Variants in SPOCK1 observed in about 807,000 individuals in gnomAD.
SPOCK1 encodes the protein testican-1.
SPOCK1 carries 23 observed loss-of-function variants against 55.3 expected under a neutral mutation model. The ratio of observed to expected loss-of-function variants is 0.42; its 90% confidence interval spans 0.30 to 0.59. The LOEUF (loss-of-function observed/expected upper bound fraction) is 0.59. Ranked by LOEUF, SPOCK1 falls within the 20% of genes least tolerant of loss-of-function variation. SPOCK1 has a pLI of 0.22. For missense variants in SPOCK1, 499 were observed against 552.5 expected (o/e 0.90, Z 0.97); for synonymous variants, 226 against 221.0 (o/e 1.02, Z -0.20).
chr5:137,091,109 G>GT (rs1437246086), intron 5 of SPOCK1, among the ~76,000 whole-genome samples: 6 of 152,184 alleles, frequency 3.9e-5, no homozygotes, highest in African/African-American at 1.4e-4. Context: ...GCTAAAGAGG[G>GT]TGCAAAGATG....
intron 2 of SPOCK1, among the ~76,000 whole-genome samples, chr5:137,409,349 A>C (rs1299040909): frequency 6.6e-6 from 1 of 152,220 alleles, no homozygotes; most frequent in African/African-American, 2.4e-5. Context: ...GGGGAATCGC[A>C]GATCCATAGG....
Position 137,145,194 on chromosome 5 carries a change from T to C in SPOCK1, c.233-4500A>G, listed in dbSNP as rs977104952. ...AAGGAACAAACCAAGAATGAATTAA[T>C]TTAAAGAGATTTGTTAAGCTGTAAA... On this transcript the variant is annotated intron_variant, in intron 3 of 10. Transcript: ENST00000394945. Among the ~76,000 whole-genome samples the C allele has an allele frequency of 3.3e-5, 5 of 152,226 alleles. No individual in the cohort carries two copies. The East Asian group carries it at 9.6e-4, about 29-fold the overall frequency.
chr5:137,151,309 A>C (rs1347385296), intron 3 of SPOCK1, among the ~76,000 whole-genome samples: 1 of 152,118 alleles, frequency 6.6e-6, no homozygotes, highest in Non-Finnish European at 1.5e-5. Flanking sequence ...TATTTATATT[A>C]AGGTAATCAA....
chr5:137,038,023 G>A (rs1053531488), intron 6 of SPOCK1, among the ~76,000 whole-genome samples: 1 of 152,192 alleles, frequency 6.6e-6, no homozygotes, highest in Admixed American at 6.5e-5. Context: ...CTGCAAGAGG[G>A]GTTGAGATGT....
chr5:137,167,433 A>AC (rs914084432), intron 3 of SPOCK1, among the ~76,000 whole-genome samples: 15 of 151,866 alleles, frequency 9.9e-5, no homozygotes, highest in Non-Finnish European at 4.4e-5. Context: ...ACAAAAAAAA[A>AC]CATAGGACTT....
chr5:137,497,236 A>T (rs1426730865), intron 2 of SPOCK1, among the ~76,000 whole-genome samples: 1 of 152,226 alleles, frequency 6.6e-6, no homozygotes, highest in Non-Finnish European at 1.5e-5. Context: ...CGGGGACATT[A>T]ACAAAGGGGG....
At chr5:137,357,014 G>A (rs1291138757) in intron 2 of SPOCK1, among the ~76,000 whole-genome samples, 1 of 150,656 alleles carries the variant, frequency 6.6e-6, no homozygotes, top group East Asian at 2.0e-4. Flanking sequence ...GAACACAAAG[G>A]GAAGTTGGCC....
intron 3 of SPOCK1, among the ~76,000 whole-genome samples, chr5:137,230,530 TA>T (rs1224404813): frequency 6.6e-6 from 1 of 152,234 alleles, no homozygotes; most frequent in Non-Finnish European, 1.5e-5. Flanking sequence ...AACTTCATTT[TA>T]AAAAATATAT....
intron 2 of SPOCK1, among the ~76,000 whole-genome samples, chr5:137,460,400 G>C (rs966209632): frequency 2.6e-5 from 4 of 152,162 alleles, no homozygotes; most frequent in Non-Finnish European, 4.4e-5. Flanking sequence ...CAAGGTACGG[G>C]ATAAGGACCA....
chr5:137,122,718 C>T (rs2127038933), intron 4 of SPOCK1, among the ~76,000 whole-genome samples: 1 of 152,346 alleles, frequency 6.6e-6, no homozygotes, highest in South Asian at 2.1e-4. Context: ...GCCAGAGCAG[C>T]TGGGAAAGCA....
chr5:137,235,504 C>T (rs1321248424), intron 3 of SPOCK1, among the ~76,000 whole-genome samples: 1 of 152,186 alleles, frequency 6.6e-6, no homozygotes, highest in Non-Finnish European at 1.5e-5. Context: ...GAAAAACATG[C>T]CCAGATAAAG....
intron 3 of SPOCK1, among the ~76,000 whole-genome samples, chr5:137,142,909 A>G (rs961010760): frequency 2.6e-5 from 4 of 152,222 alleles, no homozygotes; most frequent in Admixed American, 2.0e-4. Context: ...CTCTCCAAGA[A>G]TCATTCAAAA....
intron 3 of SPOCK1, among the ~76,000 whole-genome samples, chr5:137,233,322 G>C (rs537046466): frequency 2.0e-5 from 3 of 152,192 alleles, no homozygotes; most frequent in African/African-American, 7.2e-5. Context: ...GGGATGATGA[G>C]AGACAGTGAC....
At chr5:137,450,416 G>T (rs1288854845) in intron 2 of SPOCK1, among the ~76,000 whole-genome samples, 2 of 152,108 alleles carry the variant, frequency 1.3e-5, no homozygotes, top group African/African-American at 4.8e-5. Context: ...GTTTTCACTT[G>T]AGCATTCCAA....
intron 3 of SPOCK1, among the ~76,000 whole-genome samples, chr5:137,166,259 C>A (rs1390164202): frequency 1.3e-5 from 2 of 152,052 alleles, no homozygotes; most frequent in Non-Finnish European, 2.9e-5. Flanking sequence ...GAGAGAATGG[C>A]ATGACATATT....
At chr5:137,379,104 T>A (rs2127174167) in intron 2 of SPOCK1, among the ~76,000 whole-genome samples, 1 of 152,134 alleles carries the variant, frequency 6.6e-6, no homozygotes, top group Admixed American at 6.5e-5. Context: ...CACTCTCCCA[T>A]CACCAGCTAA....
chr5:137,459,924 A>G (rs1753445256), intron 2 of SPOCK1, among the ~76,000 whole-genome samples: 1 of 152,176 alleles, frequency 6.6e-6, no homozygotes, highest in African/African-American at 2.4e-5. Context: ...TGGAAAAGGT[A>G]TGCTAGGAGA....
chr5:137,445,256 A>G (rs1753099611), intron 2 of SPOCK1, among the ~76,000 whole-genome samples: 3 of 152,186 alleles, frequency 2.0e-5, no homozygotes, highest in Admixed American at 2.0e-4. Context: ...TTCAGAACTG[A>G]GACCAAATTT....
At chr5:137,423,232 A>T (rs573483755) in intron 2 of SPOCK1, among the ~76,000 whole-genome samples, 1 of 152,328 alleles carries the variant, frequency 6.6e-6, no homozygotes, top group East Asian at 1.9e-4. Flanking sequence ...CTTAGGGGTC[A>T]GGGACCCACT....
Sources: gnomAD v4.1 joint callset for allele counts (sites outside exome capture counted in the v4.1 genomes callset) on GRCh38, gnomAD v4.1.1 for gene constraint, MANE v1.5 for transcripts, NCBI Gene and HGNC (gene_info 2026-07-23, HGNC 2026-07-21) for gene names.